Variants in RBFOX1 observed in about 807,000 individuals in gnomAD.
RBFOX1 encodes RNA binding fox-1 homolog 1, also known as RNA binding protein fox-1 homolog 1.
Under a neutral mutation model 57.7 loss-of-function variants are expected in RBFOX1, and 8 were observed. The ratio of observed to expected loss-of-function variants is 0.14; its 90% CI spans 0.08 to 0.25. RBFOX1 has a LOEUF of 0.25. RBFOX1 is among the 10% of genes least tolerant of loss of function. The pLI is 1.00. For missense variants in RBFOX1, 611 were observed against 548.5 expected (o/e 1.11, Z -1.14); for synonymous variants, 326 against 222.4 (o/e 1.47, Z -4.15).
chr16:5,610,112 C>T (rs762482464), intron 3 of RBFOX1, among the ~76,000 whole-genome samples: 1 of 152,128 alleles, frequency 6.6e-6, no homozygotes, highest in African/African-American at 2.4e-5. Flanking sequence ...CCTCCTGCCA[C>T]TGGGAGGGCA....
In RBFOX1 at chr16:7,597,297, C is replaced by G; in HGVS notation, c.562-74C>G. ...TTCTTTTTTAATAAGTAATCACGGT[C>G]ATAATGCATGCAACTAATTGAATTG... On this transcript the variant is annotated intron_variant, in intron 8 of 15. Coordinates refer to ENST00000550418, the MANE Select transcript of RBFOX1 (RefSeq NM_018723.4). The G allele has an allele frequency of 4.5e-6, 5 of 1,101,000 alleles. 1 individual carries two copies. The highest frequency in any genetic ancestry group is 4.1e-4 in the Middle Eastern group (2 of 4,848). 68.2% of individuals were successfully genotyped at this position (1,101,000 alleles called of 1,614,324 possible).
intron 1 of RBFOX1, among the ~76,000 whole-genome samples, chr16:6,311,987 CA>C (rs1232134598): frequency 2.4e-4 from 37 of 152,166 alleles, no homozygotes; most frequent in Admixed American, 2.4e-3. Flanking sequence ...TGAATGAGGT[CA>C]GGGGCTGCTG....
rs975751834 is a variant in RBFOX1 at position 6,141,848 on chromosome 16, C to G, written c.-127+121856C>G. Among the ~76,000 whole-genome samples, 4 of 152,094 alleles carry G rather than the reference C, an allele frequency of 2.6e-5. 1 individual carries two copies. Among genetic ancestry groups the G allele is most frequent in the Middle Eastern group, 6.8e-3 (2 of 294 alleles). ...GTGAGGCAGGCATAACACTTGAGGT[C>G]AGGAGTTCAAGACCAACCTGACCAA... On this transcript the variant is annotated intron_variant, in intron 1 of 15. Transcript: ENST00000550418.
intron 2 of RBFOX1, among the ~76,000 whole-genome samples, chr16:6,394,069 A>G (rs2092717811): frequency 6.6e-6 from 1 of 152,214 alleles, no homozygotes; most frequent in African/African-American, 2.4e-5. Context: ...CCTGCAATGC[A>G]GACATCCATG....
At chr16:5,643,840 G>A (rs938575170) in intron 3 of RBFOX1, among the ~76,000 whole-genome samples, 12 of 152,138 alleles carry the variant, frequency 7.9e-5, no homozygotes, top group Admixed American at 5.2e-4. Flanking sequence ...GCACATTCAC[G>A]TGGGATGGAG....
chr16:5,600,410 C>G (rs1289317217), downstream of RBFOX1, among the ~76,000 whole-genome samples: 1 of 149,598 alleles, frequency 6.7e-6, no homozygotes, highest in Non-Finnish European at 1.5e-5. Context: ...TGCTTGAGCC[C>G]AGGAGATGGA....
chr16:5,358,145 T>C lies in RBFOX1; in HGVS notation c.220-109071T>C, dbSNP rs547548546. Among the ~76,000 whole-genome samples, 9 of 152,164 alleles carry C rather than the reference T, an allele frequency of 5.9e-5. 1 individual carries two copies. In the East Asian group the frequency reaches 1.7e-3, roughly 30 times the overall value. ...GTCTTTCTCCTTGCTCCTGGTGGTTTGCTGGCAACCTTTGGCTTGCCGTTC... is the reference window on the plus strand; with the variant it reads ...GTCTTTCTCCTTGCTCCTGGTGGTTCGCTGGCAACCTTTGGCTTGCCGTTC... On this transcript the variant is annotated intron_variant, in intron 1 of 2. Coordinates refer to the RBFOX1 transcript ENST00000585867.
At chr16:5,823,754 G>C (rs980476755) in intron 3 of RBFOX1, among the ~76,000 whole-genome samples, 8 of 152,158 alleles carry the variant, frequency 5.3e-5, no homozygotes, top group Non-Finnish European at 2.9e-5. Flanking sequence ...AATGCCCGAT[G>C]ATCTGTCACT....
chr16:6,259,541 C>G (rs1052523495), intron 1 of RBFOX1, among the ~76,000 whole-genome samples: 31 of 152,156 alleles, frequency 2.0e-4, no homozygotes, highest in Admixed American at 2.0e-3. Context: ...CTTCCTGATT[C>G]ACCTCCATGA....
At chr16:5,589,008 T>C (rs927277095) in intron 2 of RBFOX1, among the ~76,000 whole-genome samples, 1 of 152,140 alleles carries the variant, frequency 6.6e-6, no homozygotes, top group Non-Finnish European at 1.5e-5. Context: ...AGTTTGTTAA[T>C]CTTCTGGATG....
chr16:6,106,587 T>TTCC (rs2096382451), intron 1 of RBFOX1, among the ~76,000 whole-genome samples: 1 of 152,170 alleles, frequency 6.6e-6, no homozygotes, highest in Non-Finnish European at 1.5e-5. Context: ...CAGAAAGACT[T>TTCC]TAGGAAAGTC....
chr16:7,206,087 A>G (rs1043951657), intron 4 of RBFOX1, among the ~76,000 whole-genome samples: 1 of 152,206 alleles, frequency 6.6e-6, no homozygotes, highest in African/African-American at 2.4e-5. Context: ...GTAAAATGTT[A>G]AGCAGGTTTA....
chr16:5,825,981 C>T (rs1356377980), intron 3 of RBFOX1, among the ~76,000 whole-genome samples: 3 of 85,764 alleles, frequency 3.5e-5, no homozygotes, highest in South Asian at 3.7e-4. Flanking sequence ...AATAATATTC[C>T]GTAATATGAA....
chr16:7,565,227 T>C (rs556194371), intron 5 of RBFOX1, among the ~76,000 whole-genome samples: 3 of 152,230 alleles, frequency 2.0e-5, no homozygotes, highest in African/African-American at 7.2e-5. Flanking sequence ...TGCAATATTG[T>C]CTAATTTAGG....
intron 4 of RBFOX1, among the ~76,000 whole-genome samples, chr16:7,220,671 G>A (rs1443705697): frequency 2.0e-5 from 3 of 152,148 alleles, no homozygotes; most frequent in Non-Finnish European, 4.4e-5. Flanking sequence ...TGTACATGGG[G>A]GGATGGCAGT....
At chr16:6,310,917 AAAAG>A (rs1439265625) in intron 1 of RBFOX1, among the ~76,000 whole-genome samples, 50 of 151,918 alleles carry the variant, frequency 3.3e-4, no homozygotes, top group African/African-American at 1.2e-3. Flanking sequence ...AAAAAAAAAA[AAAAG>A]AACAGAATCC....
chr16:6,697,613 A>C (rs1028267107), intron 3 of RBFOX1, among the ~76,000 whole-genome samples: 6 of 152,310 alleles, frequency 3.9e-5, no homozygotes, highest in Middle Eastern at 3.4e-3. Context: ...TGGTGGATGG[A>C]ATGATGATGT....
At chr16:6,960,530 C>T (rs1053396489) in intron 3 of RBFOX1, among the ~76,000 whole-genome samples, 2 of 152,080 alleles carry the variant, frequency 1.3e-5, no homozygotes, top group Non-Finnish European at 2.9e-5. Context: ...GGGAACAACT[C>T]TTCAGGAGTC....
chr16:7,302,155 A>G (rs1603599925), intron 4 of RBFOX1, among the ~76,000 whole-genome samples: 3 of 152,268 alleles, frequency 2.0e-5, no homozygotes, highest in South Asian at 2.1e-4. Flanking sequence ...TGTGTCCCTG[A>G]TAAATTGATG....
Sources: allele counts gnomAD v4.1 joint callset (sites outside exome capture counted in the v4.1 genomes callset), GRCh38; gene constraint gnomAD v4.1.1; transcripts MANE v1.5; gene names NCBI Gene and HGNC (gene_info 2026-07-23, HGNC 2026-07-21).